Variants in NUP37 observed in about 807,000 individuals in gnomAD.
NUP37 encodes the protein nucleoporin 37.
In NUP37, 33 loss-of-function variants were observed where a neutral mutation model predicts 45.4. That is an observed-to-expected ratio of 0.73 (90% CI 0.55 to 0.97). NUP37 has a LOEUF of 0.97. Among genes scored for constraint, NUP37 ranks in the 50% least tolerant of loss-of-function variants. The pLI is 0.00. For synonymous variants in NUP37, 127 were observed against 130.7 expected (o/e 0.97, Z 0.19); for missense variants, 365 against 389.7 (o/e 0.94, Z 0.53).
At position 102,103,160 on chromosome 12, in the gene NUP37, T is replaced by C. The variant is rs1048439995; in HGVS notation, c.282-2056A>G. Among the ~76,000 whole-genome samples, 5 of 152,290 alleles carry C rather than the reference T, an allele frequency of 3.3e-5. No individual in the cohort carries two copies. In the East Asian group the frequency reaches 9.6e-4, roughly 29 times the overall value. On this transcript the variant is annotated intron_variant, in intron 3 of 9. Coordinates refer to ENST00000552283, the MANE Select transcript of NUP37 (RefSeq NM_024057.4). ...ACATTGGAGTTTTGATAGATAGGCA[T>C]TGCATTGAATCTGTGGATTGCTTTG...
chr12:102,099,447 C>A (rs926293780), intron 4 of NUP37, among the ~76,000 whole-genome samples: 2 of 147,546 alleles, frequency 1.4e-5, no homozygotes, highest in Non-Finnish European at 3.0e-5. Context: ...GTATGCATTT[C>A]TTACAAAAAC....
intron 8 of NUP37, among the ~76,000 whole-genome samples, chr12:102,076,093 C>G (rs1383272201): frequency 6.6e-6 from 1 of 152,110 alleles, no homozygotes; most frequent in Non-Finnish European, 1.5e-5. Flanking sequence ...AGTACCATAG[C>G]TCATTGATTT....
At chr12:102,119,069 G>A (rs1880602376) in intron 1 of NUP37, 1 of 152,332 alleles carries the variant, frequency 6.6e-6, no homozygotes, top group Admixed American at 6.5e-5. Context: ...CATAAGCAGG[G>A]CCAGGATTTG....
intron 3 of NUP37, among the ~76,000 whole-genome samples, chr12:102,107,852 A>C (rs1194825381): frequency 6.6e-6 from 1 of 152,210 alleles, no homozygotes. Context: ...ACTATAAAAA[A>C]AAGCAAGGAG....
intron 2 of NUP37, chr12:102,115,972 A>G (rs748043209): frequency 3.6e-5 from 6 of 166,116 alleles, no homozygotes; most frequent in Admixed American, 6.5e-5. Flanking sequence ...TGTATTTCCA[A>G]TGTCTGATGC....
intron 3 of NUP37, among the ~76,000 whole-genome samples, chr12:102,107,852 AAAGC>A (rs2136749393): frequency 6.6e-6 from 1 of 152,328 alleles, no homozygotes; most frequent in African/African-American, 2.4e-5. Context: ...ACTATAAAAA[AAAGC>A]AAGGAGATGA....
chr12:102,076,115 G>A (rs1879159482), intron 8 of NUP37, among the ~76,000 whole-genome samples: 1 of 152,116 alleles, frequency 6.6e-6, no homozygotes, highest in Non-Finnish European at 1.5e-5. Flanking sequence ...AAAATTGATG[G>A]ATACTTGCTC....
chr12:102,079,659 C>A (rs1879277381), intron 6 of NUP37, among the ~76,000 whole-genome samples: 3 of 152,146 alleles, frequency 2.0e-5, no homozygotes, highest in Admixed American at 2.0e-4. Flanking sequence ...CTTCATAAGG[C>A]ACATCACAGC....
intron 6 of NUP37, among the ~76,000 whole-genome samples, chr12:102,081,800 C>A (rs1224102295): frequency 6.6e-6 from 1 of 151,840 alleles, no homozygotes; most frequent in Non-Finnish European, 1.5e-5. Context: ...CATGAGCAAT[C>A]CTCCCACCTG....
chr12:102,118,728 G>GA, intron 1 of NUP37, 145 bp from the exon 2 acceptor site: 1 of 494,770 alleles, frequency 2.0e-6, no homozygotes, highest in Non-Finnish European at 3.5e-6. Flanking sequence ...GAAACTGCAG[G>GA]AAAAATATTA....
At chr12:102,115,350 C>T (rs1322479600) in intron 2 of NUP37, among the ~76,000 whole-genome samples, 3 of 152,150 alleles carry the variant, frequency 2.0e-5, no homozygotes, top group African/African-American at 7.2e-5. Context: ...GATATGTGTA[C>T]ACTTTAAAAA....
chr12:102,086,848 C>A (rs1382144155), intron 5 of NUP37, among the ~76,000 whole-genome samples: 1 of 152,208 alleles, frequency 6.6e-6, no homozygotes, highest in Non-Finnish European at 1.5e-5. Flanking sequence ...CTTTGGGAGG[C>A]TGAGACAGAA....
intron 8 of NUP37, among the ~76,000 whole-genome samples, chr12:102,076,080 A>G (rs1224615793): frequency 6.6e-6 from 1 of 152,200 alleles, no homozygotes; most frequent in Non-Finnish European, 1.5e-5. Context: ...CTCTAGACTT[A>G]TAAGTACCAT....
At position 102,076,578 on chromosome 12, in the gene NUP37, GT is replaced by G. The variant is rs1480081690; in HGVS notation, c.773+218del. 2.0e-5 allele frequency among the ~76,000 whole-genome samples: 3 copies of G among 152,068 alleles called. No individual in the cohort carries two copies. The East Asian group carries it at 5.8e-4, about 29-fold the overall frequency. On this transcript the variant is annotated intron_variant, in intron 8 of 9. Transcript: ENST00000552283. ...GGTGGTAGTGGTGGAGTGGTTACAT[GT>G]TTTTCTGTGTAAAGAAAATATTTGG...
intron 3 of NUP37, among the ~76,000 whole-genome samples, chr12:102,108,226 C>T (rs1048720636): frequency 1.3e-5 from 2 of 152,126 alleles, no homozygotes; most frequent in Non-Finnish European, 2.9e-5. Context: ...AACTGGCTGC[C>T]AGCACAACTA....
intron 5 of NUP37, among the ~76,000 whole-genome samples, chr12:102,096,338 T>G (rs1348200901): frequency 6.6e-6 from 1 of 152,172 alleles, no homozygotes; most frequent in Admixed American, 6.5e-5. Context: ...TCTTCCATAA[T>G]AACATTTTGT....
At chr12:102,114,729 A>C (rs1287950289) in intron 2 of NUP37, among the ~76,000 whole-genome samples, 2 of 152,094 alleles carry the variant, frequency 1.3e-5, no homozygotes, top group Non-Finnish European at 1.5e-5. Flanking sequence ...CTTTCCCCCC[A>C]ATGCTTGAAT....
intron 6 of NUP37, among the ~76,000 whole-genome samples, chr12:102,084,370 G>C (rs1480483974): frequency 5.9e-5 from 9 of 152,204 alleles, no homozygotes; most frequent in Admixed American, 5.2e-4. Context: ...GAGATGGCCG[G>C]TACGGTGGCT....
At chr12:102,091,910 T>G (rs1879668416) in intron 5 of NUP37, among the ~76,000 whole-genome samples, 1 of 152,194 alleles carries the variant, frequency 6.6e-6, no homozygotes, top group Non-Finnish European at 1.5e-5. Context: ...TTGCTTCATT[T>G]CAGGCCGAGT....
Sources: gnomAD v4.1 joint callset for allele counts (sites outside exome capture counted in the v4.1 genomes callset) on GRCh38, gnomAD v4.1.1 for gene constraint, MANE v1.5 for transcripts, NCBI Gene and HGNC (gene_info 2026-07-23, HGNC 2026-07-21) for gene names.